The following GBE1 variants were observed in gnomAD, a reference collection of about 807,000 sequenced individuals.
GBE1 encodes the protein 1,4-alpha-glucan branching enzyme 1, also known as 1,4-alpha-glucan-branching enzyme.
In GBE1, 70 loss-of-function variants were observed where a neutral mutation model predicts 88.8. The ratio of observed to expected loss-of-function variants is 0.79; its 90% CI spans 0.65 to 0.96. GBE1 has a LOEUF of 0.96. Ranked by LOEUF, GBE1 falls within the 40% of genes least tolerant of loss-of-function variation. The pLI, the probability that GBE1 is intolerant of heterozygous loss-of-function variation, is 0.00. For missense variants in GBE1, 872 were observed against 871.0 expected, an observed-to-expected ratio of 1.00 and a Z score of -0.01; for synonymous variants, 284 against 300.1, an observed-to-expected ratio of 0.95 and a Z score of 0.56.
At position 81,616,515 on chromosome 3, in the gene GBE1, C is replaced by T. The variant is rs137864259; in HGVS notation, c.993-22492G>A. Among the ~76,000 whole-genome samples, 44 of 152,130 alleles carry T rather than the reference C, an allele frequency of 2.9e-4. 1 individual carries two copies. The East Asian group carries it at 7.5e-3, about 26-fold the overall frequency. ...GTCAAAAATTAGTCGTGCATATTTG[C>T]GTAGGTCTATTTCTGGGTTGTCTAT... is the stretch of plus-strand genomic sequence containing the variant. On this transcript the variant is annotated intron_variant, in intron 7 of 15. Transcript: ENST00000429644.
chr3:81,553,730 G>A (rs1703309714), intron 12 of GBE1, among the ~76,000 whole-genome samples: 1 of 150,872 alleles, frequency 6.6e-6, no homozygotes, highest in Admixed American at 6.6e-5. Context: ...GGGTAGAAAG[G>A]GGGTGGATAA....
intron 14 of GBE1, among the ~76,000 whole-genome samples, chr3:81,512,848 A>G (rs1702743210): frequency 6.6e-6 from 1 of 151,794 alleles, no homozygotes; most frequent in South Asian, 2.1e-4. Flanking sequence ...TTTTGGTACT[A>G]ATTTTGATCT....
intron 12 of GBE1, among the ~76,000 whole-genome samples, chr3:81,559,788 C>T (rs1298456533): frequency 6.6e-6 from 1 of 151,872 alleles, no homozygotes; most frequent in Non-Finnish European, 1.5e-5. Flanking sequence ...AAGGAGTACA[C>T]CATCAAACTC....
chr3:81,499,681 TAC>T (rs1410043930), intron 14 of GBE1, among the ~76,000 whole-genome samples: 2 of 152,176 alleles, frequency 1.3e-5, no homozygotes, highest in Admixed American at 1.3e-4. Context: ...ACTAAATACA[TAC>T]AGTCAGTCCT....
At chr3:81,499,445 T>C (rs1188961496) in intron 14 of GBE1, among the ~76,000 whole-genome samples, 1 of 152,186 alleles carries the variant, frequency 6.6e-6, no homozygotes, top group Non-Finnish European at 1.5e-5. Context: ...CCATCACGAC[T>C]CACAAGTGAT....
chr3:81,573,278 A>G (rs1419031275), intron 12 of GBE1, among the ~76,000 whole-genome samples: 1 of 152,166 alleles, frequency 6.6e-6, no homozygotes, highest in Non-Finnish European at 1.5e-5. Flanking sequence ...AATAATCTTA[A>G]CTGGCTGTAA....
In GBE1 at chr3:81,490,403, C is replaced by G; in HGVS notation, c.*4G>C. On this transcript the variant is annotated 3_prime_UTR_variant, in exon 16 of 16. Transcript: ENST00000429644. ...GCATCTGGTGGAGCTGAAATCAGGC[C>G]TCTTCAATTCGGCAGATCCACATTC... 1.2e-6 allele frequency: 2 copies of G among 1,611,694 alleles called. No homozygotes were observed. Among genetic ancestry groups the G allele is most frequent in the Non-Finnish European group, 1.7e-6 (2 of 1,178,072 alleles).
chr3:81,614,736 G>A (rs1704226787), intron 7 of GBE1, among the ~76,000 whole-genome samples: 1 of 152,160 alleles, frequency 6.6e-6, no homozygotes, highest in Admixed American at 6.5e-5. Flanking sequence ...GCACGTGCCT[G>A]TAATCCCAGC....
Position 81,761,378 on chromosome 3 carries a change from C to A in GBE1, c.140G>T (p.Arg47Leu). The change falls in exon 1 of 16, where the codon CGC becomes CTC. Residue 47 changes from arginine (R) to leucine (L), a missense_variant. Physicochemically the swap from Arg to Leu is moderately radical, Grantham distance 102 (BLOSUM62 -2). Coordinates refer to ENST00000429644, the MANE Select transcript of GBE1 (RefSeq NM_000158.4). ...YLKPYAVDFQ[R>L]RYKQFSQILK... ...GGTGGTGGGATTCCGGCGGTACCTG[C>A]GCTGGAAGTCCACGGCGTAGGGCTT... 1 of 1,607,118 alleles carries A rather than the reference C, an allele frequency of 6.2e-7. No homozygotes were observed. Among genetic ancestry groups the A allele is most frequent in the South Asian group, 1.1e-5 (1 of 90,950 alleles).
At chr3:81,668,252 C>A (rs540180899) in intron 3 of GBE1, among the ~76,000 whole-genome samples, 6 of 152,056 alleles carry the variant, frequency 3.9e-5, no homozygotes, top group Admixed American at 2.6e-4. Flanking sequence ...GAGAACGGGT[C>A]AGTAGGTACA....
At chr3:81,660,528 C>T (rs1314865193) in intron 3 of GBE1, among the ~76,000 whole-genome samples, 1 of 152,028 alleles carries the variant, frequency 6.6e-6, no homozygotes, top group African/African-American at 2.4e-5. Flanking sequence ...GAATTACTCA[C>T]CTGACCAATG....
intron 14 of GBE1, among the ~76,000 whole-genome samples, chr3:81,500,916 C>T (rs978360153): frequency 3.3e-5 from 5 of 151,986 alleles, no homozygotes; most frequent in African/African-American, 7.2e-5. Context: ...TTTGGTTTTC[C>T]GTCCCTGCGT....
intron 14 of GBE1, among the ~76,000 whole-genome samples, chr3:81,516,036 G>A (rs1702794566): frequency 6.6e-6 from 1 of 151,780 alleles, no homozygotes; most frequent in Admixed American, 6.6e-5. Flanking sequence ...TGTAGAAGCT[G>A]TAGCAAGTTT....
chr3:81,522,753 G>T (rs1702892698), intron 14 of GBE1, among the ~76,000 whole-genome samples: 1 of 151,496 alleles, frequency 6.6e-6, no homozygotes, highest in African/African-American at 2.4e-5. Flanking sequence ...TAAAGTCCAA[G>T]TGGGCACAAA....
chr3:81,608,409 A>G (rs1462356608), intron 7 of GBE1, among the ~76,000 whole-genome samples: 1 of 152,224 alleles, frequency 6.6e-6, no homozygotes, highest in African/African-American at 2.4e-5. Context: ...TGATTAAATC[A>G]GGCATTTAGG....
At chr3:81,643,291 TC>T (rs1225136469) in intron 6 of GBE1, among the ~76,000 whole-genome samples, 3 of 152,210 alleles carry the variant, frequency 2.0e-5, no homozygotes, top group Non-Finnish European at 4.4e-5. Flanking sequence ...GCTTCTGATT[TC>T]CACCTGAAGC....
At chr3:81,748,805 G>A (rs537981038) in intron 1 of GBE1, among the ~76,000 whole-genome samples, 58 of 151,746 alleles carry the variant, frequency 3.8e-4, no homozygotes, top group African/African-American at 1.3e-3. Flanking sequence ...TCAAGAGATC[G>A]AGACCATCCT....
At chr3:81,505,223 C>T (rs980317116) in intron 14 of GBE1, among the ~76,000 whole-genome samples, 1 of 152,052 alleles carries the variant, frequency 6.6e-6, no homozygotes, top group Admixed American at 6.6e-5. Context: ...ATTCATATTA[C>T]CATGATTAAA....
At chr3:81,671,394 G>A (rs751468137) in intron 2 of GBE1, among the ~76,000 whole-genome samples, 3 of 152,042 alleles carry the variant, frequency 2.0e-5, no homozygotes. Flanking sequence ...TGACAGAGCT[G>A]ACATAAAATC....
Sources: gnomAD v4.1 joint callset for allele counts (sites outside exome capture counted in the v4.1 genomes callset) on GRCh38, gnomAD v4.1.1 for gene constraint, MANE v1.5 for transcripts, NCBI Gene and HGNC (gene_info 2026-07-23, HGNC 2026-07-21) for gene names.